Variants in TTC3 observed in about 807,000 individuals in gnomAD.
TTC3 encodes E3 ubiquitin-protein ligase TTC3.
In TTC3, 180 loss-of-function variants were observed where a neutral mutation model predicts 249.6. The observed-to-expected ratio is 0.72, with a 90% CI of 0.64 to 0.82. The LOEUF is 0.82. TTC3 is among the 40% of genes least tolerant of loss of function. The probability of loss-of-function intolerance (pLI) is 0.00; values close to 1 mark genes in which losing one functional copy is unlikely to be tolerated. For missense variants in TTC3, 2,061 were observed against 2,398.4 expected, an observed-to-expected ratio of 0.86 and a Z score of 2.94; for synonymous variants, 717 against 805.0, an observed-to-expected ratio of 0.89 and a Z score of 1.85.
chr21:37,131,324 C>A (rs1183251367), intron 16 of TTC3, among the ~76,000 whole-genome samples: 2 of 152,056 alleles, frequency 1.3e-5, no homozygotes, highest in Non-Finnish European at 2.9e-5. Context: ...AGGTTAGGCA[C>A]CAATGGCCAG....
exon 46 of TTC3, chr21:37,201,529 C>T (rs1479225241): frequency 9.9e-6 from 16 of 1,613,910 alleles, no homozygotes; most frequent in Non-Finnish European, 1.3e-5. Context: ...CTGGAAGAGG[C>T]TGGCCCAGTC....
chr21:37,146,535 A>G (rs996201991), intron 21 of TTC3, among the ~76,000 whole-genome samples: 1 of 152,022 alleles, frequency 6.6e-6, no homozygotes, highest in African/African-American at 2.4e-5. Flanking sequence ...AAAAAAGAGT[A>G]CTGATAACAT....
intron 27 of TTC3, among the ~76,000 whole-genome samples, chr21:37,156,006 A>G (rs994416018): frequency 1.3e-5 from 2 of 151,638 alleles, no homozygotes; most frequent in Non-Finnish European, 2.9e-5. Context: ...TTGGAATGAA[A>G]GTCTTTATGA....
rs557591237 is a variant in TTC3 at position 37,117,971 on chromosome 21, GTCC to G, written c.901-3845_901-3843del. Among the ~76,000 whole-genome samples, 11 of 151,550 alleles carry G rather than the reference GTCC, an allele frequency of 7.3e-5. No individual in the cohort carries two copies. The South Asian group carries it at 1.9e-3, about 26-fold the overall frequency. ...TTTTTAAATTGGAATGTTTGGTGAT[GTCC>G]AAACATCCCTTCTCAGGGGATACTC... On this transcript the variant is annotated intron_variant, in intron 11 of 45. Transcript: ENST00000355666.
Position 37,167,561 on chromosome 21 carries a change from TG to T in TTC3, c.4410del (p.Trp1470Ter). 1 of 1,608,612 alleles carries T rather than the reference TG, an allele frequency of 6.2e-7. No homozygotes were observed. The highest frequency in any genetic ancestry group is 2.2e-5 in the East Asian group (1 of 44,520). Reference sequence around the variant, plus strand: ...TTTTTTGTTTTGCCCACAGGTATCTTGGAACATAATACACCAAGAAGTCAAT... The same window carrying T: ...TTTTTTGTTTTGCCCACAGGTATCTTGAACATAATACACCAAGAAGTCAAT... On this transcript the variant is annotated frameshift_variant, in exon 34 of 46. Coordinates refer to ENST00000355666, the Ensembl canonical transcript of TTC3. LOFTEE classifies it high-confidence loss of function.
intron 15 of TTC3, 72 bp downstream of exon 15, chr21:37,126,215 T>C: frequency 7.2e-7 from 1 of 1,390,290 alleles, no homozygotes; most frequent in Non-Finnish European, 1.0e-6. Context: ...CCCTACAATG[T>C]GCACAAGCCT....
intron 10 of TTC3, among the ~76,000 whole-genome samples, chr21:37,100,481 A>G (rs185791023): frequency 3.2e-4 from 49 of 150,890 alleles, no homozygotes; most frequent in South Asian, 1.5e-3. Context: ...GGGAAGCCTG[A>G]GGTGAGGTAT....
chr21:37,117,022 G>T (rs549371298), intron 11 of TTC3, among the ~76,000 whole-genome samples: 2 of 148,476 alleles, frequency 1.3e-5, no homozygotes, highest in South Asian at 4.3e-4. Flanking sequence ...TTAATTGTAG[G>T]AGTTTATTTT....
chr21:37,150,201 A>G, intron 24 of TTC3, 31 bp downstream of exon 24: 2 of 1,480,434 alleles, frequency 1.4e-6, no homozygotes, highest in Non-Finnish European at 9.4e-7. Context: ...CTTGTTAGAT[A>G]GATAACCAAA....
Position 37,088,906 on chromosome 21 carries a change from T to C in TTC3, c.426+20T>C, listed in dbSNP as rs1319571977. ...GTTGCTGTAAGTGGTAGAATGTAGG[T>C]TCCCCCGAGCCCTTGGTTTAAATAA... On this transcript the variant is annotated intron_variant, in intron 5 of 45. Transcript: ENST00000355666. 1.2e-6 allele frequency: 2 copies of C among 1,604,842 alleles called. No individual in the cohort carries two copies. The highest frequency in any genetic ancestry group is 1.7e-6 in the Non-Finnish European group (2 of 1,173,116).
At chr21:37,134,777 A>G (rs1052168039) in intron 17 of TTC3, among the ~76,000 whole-genome samples, 6 of 152,210 alleles carry the variant, frequency 3.9e-5, no homozygotes, top group Non-Finnish European at 8.8e-5. Context: ...GGCACATGAT[A>G]GCAATTTTGT....
chr21:37,181,792 C>T (rs1327686391), intron 35 of TTC3, among the ~76,000 whole-genome samples: 2 of 152,132 alleles, frequency 1.3e-5, no homozygotes, highest in African/African-American at 4.8e-5. Flanking sequence ...GACCTGAGGG[C>T]CATGATTTCC....
chr21:37,131,598 G>A (rs1223210101), intron 16 of TTC3, among the ~76,000 whole-genome samples: 1 of 152,028 alleles, frequency 6.6e-6, no homozygotes, highest in Non-Finnish European at 1.5e-5. Flanking sequence ...AGCCTGAAGA[G>A]GGACTCATGG....
At chr21:37,086,332 C>T (rs1321734505) in intron 1 of TTC3, 1 of 151,994 alleles carries the variant, frequency 6.6e-6, no homozygotes, top group Non-Finnish European at 1.5e-5. Context: ...AAAAGAAAGC[C>T]ATTATATGGG....
intron 6 of TTC3, among the ~76,000 whole-genome samples, chr21:37,091,086 G>C (rs920637857): frequency 1.3e-5 from 2 of 152,144 alleles, no homozygotes; most frequent in African/African-American, 4.8e-5. Context: ...CACCTGAAGA[G>C]GTAACATATA....
At chr21:37,202,233 C>G (rs978772622) in exon 46 of TTC3, 1 of 152,128 alleles carries the variant, frequency 6.6e-6, no homozygotes, top group Non-Finnish European at 1.5e-5. Context: ...TGCTTTTCAT[C>G]TTTTATAGAT....
chr21:37,138,217 G>A (rs1432001030), intron 18 of TTC3, among the ~76,000 whole-genome samples: 1 of 152,168 alleles, frequency 6.6e-6, no homozygotes, highest in East Asian at 1.9e-4. Context: ...AAACCCACAA[G>A]TTTGTGAGAC....
At chr21:37,124,712 A>G in exon 14 of TTC3, 1 of 1,613,816 alleles carries the variant, frequency 6.2e-7, no homozygotes, top group Non-Finnish European at 8.5e-7. Context: ...TTAATCACGA[A>G]ATGGCCAACG....
intron 2 of TTC3, 62 bp downstream of exon 2, chr21:37,087,463 G>C: frequency 6.3e-7 from 1 of 1,582,840 alleles, no homozygotes. Context: ...CTGGTTTAGG[G>C]CTATCTGAGT....
Sources: allele counts gnomAD v4.1 joint callset (sites outside exome capture counted in the v4.1 genomes callset), GRCh38; gene constraint gnomAD v4.1.1; transcripts MANE v1.5; gene names NCBI Gene and HGNC (gene_info 2026-07-23, HGNC 2026-07-21).